Variants in EPHA10 observed in about 807,000 individuals in gnomAD.
EPHA10 encodes EPH receptor A10, also known as ephrin type-A receptor 10.
In EPHA10, 120 loss-of-function variants were observed where a neutral mutation model predicts 109.7. The ratio of observed to expected loss-of-function variants is 1.09; its 90% CI spans 0.94 to 1.27. EPHA10 has a LOEUF of 1.27. Ranked by LOEUF, EPHA10 falls within the 50% of genes most tolerant of loss-of-function variation. The probability of loss-of-function intolerance (pLI) is 0.00; values close to 1 mark genes in which losing one functional copy is unlikely to be tolerated. For missense variants in EPHA10, 1,396 were observed against 1,411.1 expected (o/e 0.99, Z 0.17); for synonymous variants, 640 against 618.9 (o/e 1.03, Z -0.51).
intron 6 of EPHA10, 96 bp from the exon 7 acceptor site, chr1:37,731,678 C>A: frequency 7.3e-7 from 1 of 1,377,392 alleles, no homozygotes. Flanking sequence ...GAGAAGCGCC[C>A]TTACGTGAAT....
chr1:37,754,342 G>C lies in EPHA10; in HGVS notation c.879C>G (p.Ser293=). 1 of 1,307,802 alleles carries C rather than the reference G, an allele frequency of 7.6e-7. No individual in the cohort carries two copies. Among genetic ancestry groups the C allele is most frequent in the Non-Finnish European group, 9.8e-7 (1 of 1,022,280 alleles). 81.0% of individuals were successfully genotyped at this position (1,307,802 alleles called of 1,614,324 possible). A position where few individuals can be genotyped will look rare whatever the true frequency, so the allele number is the denominator to read the frequency against. The part of the protein sequence containing the change: ...EACPPGFYKV[S]PRRPLCSPCP... Reference sequence around the variant, plus strand: ...ACGGTGAGCAGAGGGGCCGCCGCGGGGACACCTTGTAAAACCCTGGGGGAC... The same window carrying C: ...ACGGTGAGCAGAGGGGCCGCCGCGGCGACACCTTGTAAAACCCTGGGGGAC... Residue 293 remains serine, a synonymous_variant, in exon 4 of 17, where the codon TCC becomes TCG. Coordinates refer to ENST00000373048, the MANE Select transcript of EPHA10 (RefSeq NM_001099439.2). The surrounding 1 kb of genome is among the most constrained non-coding windows in gnomAD (Gnocchi z 4.5).
intron 6 of EPHA10, among the ~76,000 whole-genome samples, chr1:37,733,195 G>A (rs368462684): frequency 9.2e-5 from 14 of 151,536 alleles, no homozygotes; most frequent in East Asian, 7.8e-4. Flanking sequence ...GCCCGGACTT[G>A]TTCCTTCTTT....
At chr1:37,738,214 A>G (rs1646100296) in intron 5 of EPHA10, among the ~76,000 whole-genome samples, 1 of 152,022 alleles carries the variant, frequency 6.6e-6, no homozygotes, top group Non-Finnish European at 1.5e-5. Context: ...TAAAAATACA[A>G]AAGTTAGCTG....
chr1:37,753,108 C>T lies in EPHA10; in HGVS notation c.1125G>A (p.Leu375=), dbSNP rs1646355272. The T allele has an allele frequency of 2.2e-6, 3 of 1,389,008 alleles. No homozygotes were observed. The highest frequency in any genetic ancestry group is 2.8e-6 in the Non-Finnish European group (3 of 1,070,340). The allele number at this position is 1,389,008 out of a possible 1,614,324, so 86.0% of individuals were successfully genotyped here. A position where few individuals can be genotyped will look rare whatever the true frequency, so the allele number is the denominator to read the frequency against. The change falls in exon 5 of 17, where the codon CTG becomes CTA. Residue 375 remains leucine (L), a synonymous_variant. Coordinates refer to ENST00000373048, the MANE Select transcript of EPHA10 (RefSeq NM_001099439.2). ...SGGRSDVTYS[L]LCLRCGREGP... ...CCTCGCGGCCGCAGCGCAGGCACAG[C>T]AGCGAGTAGGTGACGTCCGAGCGGC...
intron 6 of EPHA10, among the ~76,000 whole-genome samples, chr1:37,732,741 T>C (rs1428226039): frequency 6.6e-6 from 1 of 151,944 alleles, no homozygotes; most frequent in Non-Finnish European, 1.5e-5. Context: ...TGAGCAGCAC[T>C]GTGGCTCCAG....
At chr1:37,722,488 G>A (rs898005358) in intron 10 of EPHA10, among the ~76,000 whole-genome samples, 8 of 152,228 alleles carry the variant, frequency 5.3e-5, no homozygotes, top group South Asian at 4.1e-4. Context: ...AGCACAGGAG[G>A]CTGAGGATTT....
intron 8 of EPHA10, among the ~76,000 whole-genome samples, chr1:37,724,773 T>C (rs924040383): frequency 2.0e-5 from 3 of 152,208 alleles, no homozygotes; most frequent in African/African-American, 7.2e-5. Flanking sequence ...GTTGACAGCC[T>C]GGGCTCGGAA....
chr1:37,739,388 G>C (rs936569308), intron 5 of EPHA10, among the ~76,000 whole-genome samples: 1 of 152,164 alleles, frequency 6.6e-6, no homozygotes, highest in African/African-American at 2.4e-5. Context: ...TAGTAGGCCA[G>C]GTGCAGTGAC....
At position 37,754,445 on chromosome 1, in the gene EPHA10, A is replaced by T. The variant is rs1646376363; in HGVS notation, c.851-75T>A. ...CTTTCCTGACTGGCCTGGTTAGGGCAGCGTTTATCTCCTCCAATTGCGATA... is the reference window on the plus strand; with the variant it reads ...CTTTCCTGACTGGCCTGGTTAGGGCTGCGTTTATCTCCTCCAATTGCGATA... On this transcript the variant is annotated intron_variant, in intron 3 of 16. Transcript: ENST00000373048. The surrounding 1 kb of genome is among the most constrained non-coding windows in gnomAD (Gnocchi z 4.5). The T allele has an allele frequency of 8.2e-7, 1 of 1,226,840 alleles. No individual in the cohort carries two copies. The highest frequency in any genetic ancestry group is 4.2e-5 in the Admixed American group (1 of 23,742). The allele number at this position is 1,226,840 out of a possible 1,614,324, so 76.0% of individuals were successfully genotyped here. A position where few individuals can be genotyped will look rare whatever the true frequency, so the allele number is the denominator to read the frequency against.
Position 37,761,903 on chromosome 1 carries a change from C to T in EPHA10, c.352G>A (p.Ala118Thr), listed in dbSNP as rs764288910. 6.8e-6 allele frequency: 11 copies of T among 1,611,776 alleles called. No individual in the cohort carries two copies. The highest frequency in any genetic ancestry group is 6.6e-5 in the South Asian group (6 of 90,852). ...TLRDCSSIPG[A>T]AGTCKETFNV... is the part of the protein sequence containing the mutation. ...AAGGTCTCCTTGCAGGTACCCGCGG[C>T]GCCAGGGATGCTGCTGCAGTCACGG... The change falls in exon 3 of 17, where the codon GCC becomes ACC. Residue 118 changes from alanine to threonine, a missense_variant. Coordinates refer to ENST00000373048, the MANE Select transcript of EPHA10 (RefSeq NM_001099439.2).
At position 37,761,727 on chromosome 1, in the gene EPHA10, C is replaced by T. The variant is rs1320419074; in HGVS notation, c.528G>A (p.Glu176=). The T allele has an allele frequency of 6.2e-7, 1 of 1,613,674 alleles. No homozygotes were observed. The highest frequency in any genetic ancestry group is 8.5e-7 in the Non-Finnish European group (1 of 1,179,912). ...LGERKMKLNT[E]VREIGPLSRR... ...GGCTGAGCGGTCCGATCTCGCGCACCTCTGTGTTCAGCTTCATCTTGCGCT... is the reference window on the plus strand; with the variant it reads ...GGCTGAGCGGTCCGATCTCGCGCACTTCTGTGTTCAGCTTCATCTTGCGCT... The change falls in exon 3 of 17, where the codon GAG becomes GAA. Residue 176 remains glutamate, a synonymous_variant. Coordinates refer to ENST00000373048, the MANE Select transcript of EPHA10 (RefSeq NM_001099439.2).
At chr1:37,721,604 A>T (rs1645797546) in intron 11 of EPHA10, 56 bp downstream of exon 11, 2 of 1,510,076 alleles carry the variant, frequency 1.3e-6, no homozygotes, top group Non-Finnish European at 8.9e-7. Flanking sequence ...CCACACCATC[A>T]TTTCCACCCC....
chr1:37,758,262 T>C (rs536312844), intron 3 of EPHA10, among the ~76,000 whole-genome samples: 1 of 152,336 alleles, frequency 6.6e-6, no homozygotes, highest in African/African-American at 2.4e-5. Context: ...CCCCCCCATA[T>C]ACACACTTGG....
chr1:37,723,539 C>T (rs2148315392), intron 8 of EPHA10, among the ~76,000 whole-genome samples, 167 bp from the exon 9 acceptor site: 1 of 152,334 alleles, frequency 6.6e-6, no homozygotes, highest in Non-Finnish European at 1.5e-5. Flanking sequence ...GTTTGACGAC[C>T]TCCCCATGGC....
At chr1:37,739,982 C>T (rs993027839) in intron 5 of EPHA10, among the ~76,000 whole-genome samples, 2 of 151,792 alleles carry the variant, frequency 1.3e-5, no homozygotes, top group Non-Finnish European at 2.9e-5. Flanking sequence ...TGGTCCCAGA[C>T]ACGTGGGAGG....
chr1:37,722,314 G>T lies in EPHA10; in HGVS notation c.1961-469C>A, dbSNP rs1250068732. ...TTCCAAGCCTTAAAGAAAGGACAGG[G>T]CATATGCCAGCACGCCGACTGCCAT... On this transcript the variant is annotated intron_variant, in intron 10 of 16. Coordinates refer to ENST00000373048, the MANE Select transcript of EPHA10 (RefSeq NM_001099439.2). 36 of 246,226 alleles carry T rather than the reference G, an allele frequency of 1.5e-4. No homozygotes were observed. The Admixed American group carries it at 1.8e-3, about 13-fold the overall frequency. The allele number at this position is 246,226 out of a possible 1,614,324, so 15.3% of individuals were successfully genotyped here.
Position 37,731,519 on chromosome 1 carries a change from G to A in EPHA10, c.1555C>T (p.Leu519=), listed in dbSNP as rs768805584. The A allele has an allele frequency of 1.2e-6, 2 of 1,614,014 alleles. No homozygotes were observed. The highest frequency in any genetic ancestry group is 2.7e-5 in the African/African-American group (2 of 74,924). The change falls in exon 7 of 17, where the codon CTG becomes TTG. Residue 519 remains leucine (L), a synonymous_variant. Transcript: ENST00000373048. Reference sequence around the variant, plus strand: ...AAGACGTAGCGGGTAGCCGGCTTCAGGTTGGTGACGGTGACTGTGGGCGCC... The same window carrying A: ...AAGACGTAGCGGGTAGCCGGCTTCAAGTTGGTGACGGTGACTGTGGGCGCC... ...TGAPTVTVTN[L]KPATRYVFQI...
intron 10 of EPHA10, chr1:37,722,052 A>G (rs1352981517): frequency 2.0e-6 from 1 of 488,218 alleles, no homozygotes; most frequent in African/African-American, 2.0e-5. Flanking sequence ...AATCACTTGA[A>G]CCCAGGAGGC....
rs1372992542 is a variant in EPHA10, at chr1:37,719,953, T to TC, written c.2517dup (p.Met840AspfsTer34). ...CAGTAAGGCCGCTCCCCAAAGGCCATCACCTCCCACATGATGATGCCGAAG... is the reference window on the plus strand; with the variant it reads ...CAGTAAGGCCGCTCCCCAAAGGCCATCCACCTCCCACATGATGATGCCGAAG... On this transcript the variant is annotated frameshift_variant, in exon 14 of 17. Coordinates refer to ENST00000373048, the MANE Select transcript of EPHA10 (RefSeq NM_001099439.2). LOFTEE classifies it high-confidence loss of function. 1 of 1,613,934 alleles carries TC rather than the reference T, an allele frequency of 6.2e-7. No individual in the cohort carries two copies. The highest frequency in any genetic ancestry group is 8.5e-7 in the Non-Finnish European group (1 of 1,180,030).
Sources: allele counts gnomAD v4.1 joint callset (sites outside exome capture counted in the v4.1 genomes callset), GRCh38; gene constraint gnomAD v4.1.1; non-coding constraint Gnocchi (gnomAD v3.1); transcripts MANE v1.5; gene names NCBI Gene and HGNC (gene_info 2026-07-23, HGNC 2026-07-21).